The following MLXIP variants were observed in gnomAD, a reference collection of about 807,000 sequenced individuals.
MLXIP encodes MLX interacting protein.
Under a neutral mutation model 87.2 loss-of-function variants are expected in MLXIP, and 30 were observed. The ratio of observed to expected loss-of-function variants is 0.34; its 90% CI spans 0.26 to 0.47. MLXIP has a LOEUF of 0.47. MLXIP is among the 20% of genes least tolerant of loss of function. The pLI is 1.00. For missense variants in MLXIP, 1,002 were observed against 1,240.1 expected (o/e 0.81, Z 2.88); for synonymous variants, 530 against 514.0 (o/e 1.03, Z -0.42).
chr12:122,092,718 G>A (rs1952264853), intron 1 of MLXIP, among the ~76,000 whole-genome samples: 1 of 152,156 alleles, frequency 6.6e-6, no homozygotes, highest in Non-Finnish European at 1.5e-5. Flanking sequence ...TTTGCATAGG[G>A]TAATTTTGGG....
At chr12:122,118,632 G>C (rs1266083977) in intron 1 of MLXIP, among the ~76,000 whole-genome samples, 1 of 152,180 alleles carries the variant, frequency 6.6e-6, no homozygotes, top group Non-Finnish European at 1.5e-5. Flanking sequence ...TGGATTGCTT[G>C]AGGTCAGGAG....
At chr12:122,102,022 A>G (rs1224408710) in intron 1 of MLXIP, among the ~76,000 whole-genome samples, 3 of 152,202 alleles carry the variant, frequency 2.0e-5, no homozygotes, top group Admixed American at 1.3e-4. Context: ...AGCTCTTCTC[A>G]TTATACTTCT....
At chr12:122,102,727 C>A (rs1378678869) in intron 1 of MLXIP, among the ~76,000 whole-genome samples, 1 of 152,174 alleles carries the variant, frequency 6.6e-6, no homozygotes, top group African/African-American at 2.4e-5. Flanking sequence ...TATTCAGTGG[C>A]AAACAGGAAT....
chr12:122,118,675 C>T (rs1320238780), intron 1 of MLXIP, among the ~76,000 whole-genome samples: 1 of 152,024 alleles, frequency 6.6e-6, no homozygotes, highest in African/African-American at 2.4e-5. Context: ...TGGTGAAACC[C>T]TGTCTCTACT....
intron 1 of MLXIP, among the ~76,000 whole-genome samples, chr12:122,095,927 C>T (rs1267727324): frequency 2.6e-5 from 4 of 151,654 alleles, no homozygotes; most frequent in South Asian, 2.1e-4. Context: ...TGCAGTGGCG[C>T]GATCTCAGCT....
At chr12:122,108,141 G>A (rs1181485518) in intron 1 of MLXIP, among the ~76,000 whole-genome samples, 2 of 152,084 alleles carry the variant, frequency 1.3e-5, no homozygotes, top group Admixed American at 6.5e-5. Context: ...AGGCTGAGGC[G>A]GGTGAATCAC....
Position 122,129,295 on chromosome 12 carries a change from T to C in MLXIP, c.696+69T>C, listed in dbSNP as rs540561031. 2.9e-6 allele frequency: 4 copies of C among 1,391,702 alleles called. No homozygotes were observed. The South Asian group carries it at 3.7e-5, about 13-fold the overall frequency. The allele number at this position is 1,391,702 out of a possible 1,614,324, so 86.2% of individuals were successfully genotyped here. A position where few individuals can be genotyped will look rare whatever the true frequency, so the allele number is the denominator to read the frequency against. On this transcript the variant is annotated intron_variant, in intron 4 of 16. Transcript: ENST00000319080. The stretch of plus-strand genomic sequence containing the variant: ...GGGCAGAGTCCCTGGTTCAGGGCCC[T>C]GGCCGAGGCGGTAGGCTCCACAGCC...
Position 122,135,265 on chromosome 12 carries a change from G to A in MLXIP, c.1774G>A (p.Gly592Arg). The A allele has an allele frequency of 6.2e-7, 1 of 1,613,640 alleles. No homozygotes were observed. The highest frequency in any genetic ancestry group is 1.1e-5 in the South Asian group (1 of 91,080). Residue 592 changes from glycine (G) to arginine (R), a missense_variant, in exon 10 of 17, where the codon GGG (glycine) becomes AGG (arginine). This residue lies in a region of MLXIP where 746 missense variants were observed against 897.0 expected (regional missense o/e 0.83). Transcript: ENST00000319080. The surrounding 1 kb of genome is among the most constrained non-coding windows in gnomAD (Gnocchi z 5.3). ...GQPQAVIMTS[G>R]PLKREGMLAS... ...ACCACAAGCGGTGATCATGACGTCA[G>A]GGCCTCTGAAGAGAGAAGGGATGTT...
At chr12:122,127,438 A>C in intron 2 of MLXIP, 76 bp downstream of exon 2, 1 of 1,038,084 alleles carries the variant, frequency 9.6e-7, no homozygotes, top group Admixed American at 2.5e-5. Flanking sequence ...CAGGGACCAG[A>C]GTCTGCTCCT....
chr12:122,146,362 G>A lies in MLXIP; in HGVS notation c.*4550G>A, dbSNP rs1043763. The stretch of plus-strand genomic sequence containing the variant: ...GGCTGGACAGGTTTTTGTGATGTGA[G>A]GGACACGCATGGGGCACATGGTAAG... On this transcript the variant is annotated 3_prime_UTR_variant, in exon 17 of 17. Coordinates refer to ENST00000319080, the MANE Select transcript of MLXIP (RefSeq NM_014938.6). 108,492 of 151,606 alleles carry A rather than the reference G, an allele frequency of 0.72. 39,557 individuals carry two copies. Among genetic ancestry groups the A allele is most frequent in the Middle Eastern group, 0.85 (250 of 294 alleles). 9.4% of individuals were successfully genotyped at this position (151,606 alleles called of 1,614,324 possible).
chr12:122,125,099 G>A (rs1952859734), intron 1 of MLXIP, among the ~76,000 whole-genome samples: 1 of 152,258 alleles, frequency 6.6e-6, no homozygotes, highest in African/African-American at 2.4e-5. Context: ...CCGGGAGGCA[G>A]AGGTTGCCGT....
At position 122,141,944 on chromosome 12, in the gene MLXIP, GCATCGGGAGGCCATGCT is replaced by G. The variant is rs1953214094; in HGVS notation, c.*135_*151del. The G allele has an allele frequency of 7.2e-7, 1 of 1,380,644 alleles. No individual in the cohort carries two copies. The highest frequency in any genetic ancestry group is 1.4e-5 in the South Asian group (1 of 73,274). The allele number at this position is 1,380,644 out of a possible 1,614,324, so 85.5% of individuals were successfully genotyped here. ...TCTCCAACTCTGCCGGCCCACCGTGGCATCGGGAGGCCATGCTCAGGTCTGAAGCAGGTTTGGGGCCT... is the reference window on the plus strand; with the variant it reads ...TCTCCAACTCTGCCGGCCCACCGTGGCAGGTCTGAAGCAGGTTTGGGGCCT... On this transcript the variant is annotated 3_prime_UTR_variant, in exon 17 of 17. Transcript: ENST00000319080.
At chr12:122,122,028 G>C (rs1952791630) in intron 1 of MLXIP, among the ~76,000 whole-genome samples, 1 of 144,934 alleles carries the variant, frequency 6.9e-6, no homozygotes, top group African/African-American at 2.6e-5. Context: ...GAGAGGGCTA[G>C]CGAATGGGTG....
intron 7 of MLXIP, among the ~76,000 whole-genome samples, chr12:122,131,220 G>A (rs1469847542): frequency 6.6e-6 from 1 of 152,010 alleles, no homozygotes; most frequent in Non-Finnish European, 1.5e-5. Context: ...CCCTACCAAG[G>A]CCCTGCAGTT....
At chr12:122,085,405 ATT>A (rs758637383) in intron 1 of MLXIP, among the ~76,000 whole-genome samples, 4 of 142,856 alleles carry the variant, frequency 2.8e-5, no homozygotes, top group African/African-American at 5.1e-5. Context: ...TCTGTAGTGA[ATT>A]TTTTTTTTTT....
chr12:122,132,222 C>G (rs1407351781), intron 7 of MLXIP, 70 bp from the exon 8 acceptor site: 10 of 1,268,738 alleles, frequency 7.9e-6, no homozygotes, highest in African/African-American at 3.0e-5. Flanking sequence ...GTGCCTGGCC[C>G]TGTTTGAGTC....
At position 122,079,105 on chromosome 12, in the gene MLXIP, G is replaced by A. The variant is rs1343727368; in HGVS notation, c.252G>A (p.Val84=). Residue 84 remains valine, a synonymous_variant, in exon 1 of 17, where the codon GTG becomes GTA. Transcript: ENST00000319080. ...QQIIHSGHFM[V]SSPHREHPPK... ...TCATCCACAGCGGCCACTTCATGGT[G>A]TCGTCGCCGCACCGAGAGCACCCGC... 2 of 1,547,972 alleles carry A rather than the reference G, an allele frequency of 1.3e-6. No homozygotes were observed. The highest frequency in any genetic ancestry group is 1.2e-5 in the South Asian group (1 of 83,926).
At chr12:122,101,019 C>A (rs952952394) in intron 1 of MLXIP, among the ~76,000 whole-genome samples, 2 of 152,134 alleles carry the variant, frequency 1.3e-5, no homozygotes, top group African/African-American at 4.8e-5. Context: ...GGGCAAAGAT[C>A]CTCAACTCTT....
In MLXIP at chr12:122,135,461, G is replaced by A. The variant is rs1466629240; in HGVS notation, c.1855-28G>A. The A allele has an allele frequency of 6.2e-7, 1 of 1,609,392 alleles. No individual in the cohort carries two copies. The highest frequency in any genetic ancestry group is 8.5e-7 in the Non-Finnish European group (1 of 1,178,178). On this transcript the variant is annotated intron_variant, in intron 10 of 16. Transcript: ENST00000319080. The surrounding 1 kb of genome is among the most constrained non-coding windows in gnomAD (Gnocchi z 5.3). ...CGCCCTGCTGTATATCAGCAGTCAG[G>A]GGTGACCTGTCTCCCATGTCACTGC...
Sources: gnomAD v4.1 joint callset for allele counts (sites outside exome capture counted in the v4.1 genomes callset) on GRCh38, gnomAD v4.1.1 for gene constraint, gnomAD v4.1.1 regional missense constraint, Gnocchi (gnomAD v3.1) non-coding constraint, MANE v1.5 for transcripts, NCBI Gene and HGNC (gene_info 2026-07-23, HGNC 2026-07-21) for gene names.